TGFBR3: variants seen among roughly 807,000 people sequenced by gnomAD.
TGFBR3 encodes the protein transforming growth factor beta receptor type 3.
TGFBR3 carries 46 observed loss-of-function variants against 87.9 expected under a neutral mutation model. The observed-to-expected ratio is 0.52, with a 90% CI of 0.41 to 0.67. The LOEUF (loss-of-function observed/expected upper bound fraction) is 0.67, where lower values mean the gene tolerates loss of function less well. Ranked by LOEUF, TGFBR3 falls within the 30% of genes least tolerant of loss-of-function variation. TGFBR3 has a pLI of 0.00. For synonymous variants in TGFBR3, 381 were observed against 391.6 expected (o/e 0.97, Z 0.32); for missense variants, 866 against 1,041.9 (o/e 0.83, Z 2.32).
chr1:91,822,109 T>C (rs1291824570), intron 2 of TGFBR3, among the ~76,000 whole-genome samples: 1 of 152,056 alleles, frequency 6.6e-6, no homozygotes, highest in Non-Finnish European at 1.5e-5. Flanking sequence ...GTGACTTATG[T>C]GACCTATTAC....
intron 4 of TGFBR3, 54 bp from the exon 5 acceptor site, chr1:91,735,013 A>T: frequency 1.3e-6 from 2 of 1,599,334 alleles, no homozygotes; most frequent in South Asian, 1.1e-5. Context: ...GAGCTGAATC[A>T]TAATTAGAGA....
At chr1:91,736,878 C>G (rs10874915) in intron 4 of TGFBR3, among the ~76,000 whole-genome samples, 119,517 of 152,196 alleles carry the variant, frequency 0.79, 48,181 homozygotes, top group Non-Finnish European at 0.89. Flanking sequence ...CCATAAACTA[C>G]AGCAACCCTA....
chr1:91,795,677 A>G (rs745508473), intron 3 of TGFBR3, among the ~76,000 whole-genome samples: 178 of 152,320 alleles, frequency 1.2e-3, no homozygotes, highest in Admixed American at 1.7e-3. Context: ...TCGCTGCTAA[A>G]GAATTGCTGG....
chr1:91,856,574 T>C (rs1411527506), intron 2 of TGFBR3, among the ~76,000 whole-genome samples: 1 of 152,226 alleles, frequency 6.6e-6, no homozygotes, highest in African/African-American at 2.4e-5. Context: ...CCTTGTGCTC[T>C]GCCCCTCCTC....
chr1:91,865,173 A>G (rs1678344451), intron 1 of TGFBR3, among the ~76,000 whole-genome samples: 1 of 145,604 alleles, frequency 6.9e-6, no homozygotes, highest in African/African-American at 2.6e-5. Flanking sequence ...ACTGCACTCC[A>G]GCCTGGACAA....
chr1:91,841,533 A>G (rs1347716675), intron 2 of TGFBR3, among the ~76,000 whole-genome samples: 2 of 151,692 alleles, frequency 1.3e-5, no homozygotes, highest in East Asian at 3.9e-4. Context: ...AGTGGCTTAC[A>G]CCTGTAATCC....
At chr1:91,801,056 C>A in intron 2 of TGFBR3, 1 of 198,444 alleles carries the variant, frequency 5.0e-6, no homozygotes, top group Non-Finnish European at 1.0e-5. Context: ...GCACTCCAGC[C>A]TGGGCGACAA....
chr1:91,766,236 T>C (rs1414118677), intron 3 of TGFBR3: 2 of 143,240 alleles, frequency 1.4e-5, no homozygotes, highest in Admixed American at 7.4e-5. Context: ...AGGGTCTTGC[T>C]ATGTTGTCCA....
chr1:91,757,895 T>G (rs1282973623), intron 4 of TGFBR3, among the ~76,000 whole-genome samples: 1 of 152,166 alleles, frequency 6.6e-6, no homozygotes, highest in African/African-American at 2.4e-5. Flanking sequence ...GCACCGCAGT[T>G]AGGACATTAG....
chr1:91,702,763 G>T (rs372403518), intron 14 of TGFBR3, among the ~76,000 whole-genome samples: 1 of 151,240 alleles, frequency 6.6e-6, no homozygotes, highest in East Asian at 2.0e-4. Context: ...GTAAAATACT[G>T]GCCGGGAGCG....
intron 4 of TGFBR3, 141 bp from the exon 5 acceptor site, chr1:91,735,100 A>G (rs1188595848): frequency 6.1e-6 from 6 of 985,610 alleles, no homozygotes; most frequent in Non-Finnish European, 7.7e-6. Flanking sequence ...GTTTTTAAGC[A>G]GCGGATTCAA....
chr1:91,703,174 C>T (rs1445269397), intron 14 of TGFBR3, among the ~76,000 whole-genome samples: 5 of 152,182 alleles, frequency 3.3e-5, no homozygotes, highest in African/African-American at 1.2e-4. Flanking sequence ...TCTTTCCACT[C>T]AGTTTCCCCT....
chr1:91,809,691 T>C (rs1395056542), intron 2 of TGFBR3, among the ~76,000 whole-genome samples: 3 of 152,260 alleles, frequency 2.0e-5, no homozygotes, highest in African/African-American at 7.2e-5. Context: ...GTTACAGGAA[T>C]GAGTCAAATG....
Position 91,712,551 on chromosome 1 carries a change from G to C in TGFBR3, c.1867-9C>G. ...GCCTTAGTAACAGATACCTATGAAA[G>C]AACAGAAAGATGAATTAGGAAATGA... On this transcript the variant is annotated splice_polypyrimidine_tract_variant and intron_variant, in intron 12 of 16. Coordinates refer to ENST00000212355, the MANE Select transcript of TGFBR3 (RefSeq NM_003243.5). 1 of 1,613,868 alleles carries C rather than the reference G, an allele frequency of 6.2e-7. No homozygotes were observed. Among genetic ancestry groups the C allele is most frequent in the Non-Finnish European group, 8.5e-7 (1 of 1,179,878 alleles).
At chr1:91,697,063 G>A (rs767616595) in intron 15 of TGFBR3, among the ~76,000 whole-genome samples, 10 of 152,160 alleles carry the variant, frequency 6.6e-5, no homozygotes, top group Non-Finnish European at 1.3e-4. Flanking sequence ...GAAGAGGTGG[G>A]AAGAGCTCCC....
intron 14 of TGFBR3, among the ~76,000 whole-genome samples, chr1:91,703,829 G>A (rs545953555): frequency 1.3e-5 from 2 of 152,238 alleles, no homozygotes; most frequent in South Asian, 4.2e-4. Context: ...AACTATTTAT[G>A]TTCTCTGGGC....
At chr1:91,806,859 A>G (rs1161933545) in intron 2 of TGFBR3, among the ~76,000 whole-genome samples, 1 of 152,212 alleles carries the variant, frequency 6.6e-6, no homozygotes, top group African/African-American at 2.4e-5. Flanking sequence ...TGGGTACTAC[A>G]GGATCTATTC....
chr1:91,685,088 T>C (rs910369751), intron 16 of TGFBR3, among the ~76,000 whole-genome samples: 2 of 152,202 alleles, frequency 1.3e-5, no homozygotes, highest in African/African-American at 4.8e-5. Flanking sequence ...AAAGCAGTTC[T>C]GCAAAATGTA....
chr1:91,815,588 C>T (rs929238513), intron 2 of TGFBR3, among the ~76,000 whole-genome samples: 1 of 152,150 alleles, frequency 6.6e-6, no homozygotes, highest in African/African-American at 2.4e-5. Flanking sequence ...TACATTTGGA[C>T]CTAGAAGGCC....
Sources: gnomAD v4.1 joint callset for allele counts (sites outside exome capture counted in the v4.1 genomes callset) on GRCh38, gnomAD v4.1.1 for gene constraint, MANE v1.5 for transcripts, NCBI Gene and HGNC (gene_info 2026-07-23, HGNC 2026-07-21) for gene names.